The following LRAT variants were observed in gnomAD, a reference collection of about 807,000 sequenced individuals.
LRAT encodes lecithin retinol acyltransferase, also known as lecithin retinol acyltransferase (phosphatidylcholine--retinol O-acyltransferase).
A neutral mutation model predicts 14.2 loss-of-function variants in LRAT; 11 were observed. The ratio of observed to expected loss-of-function variants is 0.78; its 90% CI spans 0.49 to 1.29. LRAT has a LOEUF of 1.29. Ranked by LOEUF, LRAT falls within the 50% of genes most tolerant of loss-of-function variation. The pLI is 0.00. For missense variants in LRAT, 274 were observed against 292.4 expected, an observed-to-expected ratio of 0.94 and a Z score of 0.46; for synonymous variants, 144 against 124.8, an observed-to-expected ratio of 1.15 and a Z score of -1.03.
At chr4:154,747,241 G>A (rs561051182) in intron 2 of LRAT, among the ~76,000 whole-genome samples, 1 of 152,214 alleles carries the variant, frequency 6.6e-6, no homozygotes, top group Admixed American at 6.5e-5. Context: ...CTCCTTTGTG[G>A]TAACACTCTA....
At chr4:154,747,674 A>G (rs1414877742) in intron 2 of LRAT, among the ~76,000 whole-genome samples, 1 of 152,212 alleles carries the variant, frequency 6.6e-6, no homozygotes, top group Non-Finnish European at 1.5e-5. Flanking sequence ...AATAAGGATA[A>G]CTGTATTTAC....
intron 2 of LRAT, among the ~76,000 whole-genome samples, chr4:154,745,168 G>A (rs921850001): frequency 6.6e-6 from 1 of 151,588 alleles, no homozygotes; most frequent in Non-Finnish European, 1.5e-5. Flanking sequence ...ACAGGCACCC[G>A]CCACCACGCC....
chr4:154,745,640 T>C (rs1384174884), intron 2 of LRAT: 1 of 145,176 alleles, frequency 6.9e-6, no homozygotes, highest in Non-Finnish European at 1.5e-5. Context: ...AGAGTTTATA[T>C]TTAATCCATA....
rs559387230 is a variant in LRAT at position 154,749,670 on chromosome 4, G to A, written c.*534G>A. On this transcript the variant is annotated 3_prime_UTR_variant, in exon 3 of 3. Transcript: ENST00000336356. ...TTCATGTAGTATATAAGTCAAGAAT[G>A]TTTTATTGTCATTATGTGAAACCAA... is the stretch of plus-strand genomic sequence containing the variant. 2 of 153,232 alleles carry A rather than the reference G, an allele frequency of 1.3e-5. No homozygotes were observed. Among genetic ancestry groups the A allele is most frequent in the African/African-American group, 4.8e-5 (2 of 41,526 alleles). The allele number at this position is 153,232 out of a possible 1,614,324, so 9.5% of individuals were successfully genotyped here.
chr4:154,751,193 A>T lies in LRAT; in HGVS notation c.*2057A>T, dbSNP rs1732982408. On this transcript the variant is annotated 3_prime_UTR_variant, in exon 3 of 3. Coordinates refer to ENST00000336356, the MANE Select transcript of LRAT (RefSeq NM_004744.5). ...CAATTAAATCTGCTAGAAGGGTAAG[A>T]GAAATCTGTATGCAGGAGGCAATGC... 6.6e-6 allele frequency: 1 copy of T among 152,254 alleles called. No homozygotes were observed. The highest frequency in any genetic ancestry group is 1.5e-5 in the Non-Finnish European group (1 of 68,056). 9.4% of individuals were successfully genotyped at this position (152,254 alleles called of 1,614,324 possible).
At position 154,744,707 on chromosome 4, in the gene LRAT, G is replaced by A; in HGVS notation, c.381G>A (p.Leu127=). 1 of 1,614,196 alleles carries A rather than the reference G, an allele frequency of 6.2e-7. No homozygotes were observed. Among genetic ancestry groups the A allele is most frequent in the Non-Finnish European group, 8.5e-7 (1 of 1,180,046 alleles). ...GAGCTAACATCCTGGTCAATCACCT[G>A]GACGAGTCCCTCCAGAAAAAGGCAC... ...AYGANILVNH[L]DESLQKKALL... is the part of the protein sequence containing the mutation. The change falls in exon 2 of 3, where the codon CTG becomes CTA. Residue 127 remains leucine, a synonymous_variant. Transcript: ENST00000336356.
rs775854426 is a variant in LRAT, at chr4:154,744,664, T to C, written c.338T>C (p.Val113Ala). Reference sequence around the variant, plus strand: ...GTGGCCAGCATCCGCGTGGACACAGTGGAGGACTTCGCCTACGGAGCTAAC... The same window carrying C: ...GTGGCCAGCATCCGCGTGGACACAGCGGAGGACTTCGCCTACGGAGCTAAC... ...VKVASIRVDT[V>A]EDFAYGANIL... Residue 113 changes from valine to alanine, a missense_variant, in exon 2 of 3, where the codon GTG (valine) becomes GCG (alanine). Physicochemically the swap from Val to Ala is moderately conservative, Grantham distance 64. Transcript: ENST00000336356. 1.2e-6 allele frequency: 2 copies of C among 1,614,180 alleles called. No homozygotes were observed. Among genetic ancestry groups the C allele is most frequent in the South Asian group, 1.1e-5 (1 of 91,084 alleles).
At chr4:154,744,273 G>C in intron 1 of LRAT, 51 bp downstream of exon 1, 1 of 1,594,488 alleles carries the variant, frequency 6.3e-7, no homozygotes, top group Non-Finnish European at 8.6e-7. Context: ...TGCCCAGCCC[G>C]GCCCCTGCCG....
chr4:154,741,377 G>A (rs924923921), upstream of LRAT, among the ~76,000 whole-genome samples: 6 of 152,328 alleles, frequency 3.9e-5, no homozygotes, highest in Non-Finnish European at 8.8e-5. Context: ...TCCGGAAGCC[G>A]AAGTCCTAGC....
rs756460421 is a variant in LRAT, at chr4:154,749,095, C to A, written c.652C>A (p.Pro218Thr). Residue 218 changes from proline to threonine, a missense_variant, in exon 3 of 3, where the codon CCT (proline) becomes ACT (threonine). By Grantham distance (38) the Pro-to-Thr change is conservative. Coordinates refer to ENST00000336356, the MANE Select transcript of LRAT (RefSeq NM_004744.5). ...GGGCTTGGTATCATACACTACCCTTCCTGCAATTTTTATTCCATTCTTCCT... is the reference window on the plus strand; with the variant it reads ...GGGCTTGGTATCATACACTACCCTTACTGCAATTTTTATTCCATTCTTCCT... ...CTGLVSYTTL[P>T]AIFIPFFLWM... The A allele has an allele frequency of 2.5e-6, 4 of 1,613,850 alleles. No homozygotes were observed. The South Asian group carries it at 4.4e-5, about 18-fold the overall frequency.
At chr4:154,747,842 C>T (rs1732912320) in intron 2 of LRAT, among the ~76,000 whole-genome samples, 3 of 151,990 alleles carry the variant, frequency 2.0e-5, no homozygotes, top group Admixed American at 2.0e-4. Flanking sequence ...GAAAAATAGG[C>T]CAACATCTAG....
rs1387272831 is a variant in LRAT, at chr4:154,744,440, T to C, written c.114T>C (p.Ser38=). ...CGGGCGAAGACAAAGGGAGGAACAG[T>C]TTTTATGAAACCAGCTCTTTCCACC... ...GAAGEDKGRN[S]FYETSSFHRG... The change falls in exon 2 of 3, where the codon AGT becomes AGC. Residue 38 remains serine, a synonymous_variant. Transcript: ENST00000336356. 33 of 1,613,718 alleles carry C rather than the reference T, an allele frequency of 2.0e-5. No homozygotes were observed. The highest frequency in any genetic ancestry group is 2.5e-6 in the Non-Finnish European group (3 of 1,179,978).
upstream of LRAT, among the ~76,000 whole-genome samples, chr4:154,743,125 A>ACCCCCCCCCCCCCCCCCCCAC (rs59844353): frequency 5.6e-5 from 1 of 17,840 alleles, no homozygotes; most frequent in African/African-American, 2.2e-4. Flanking sequence ...GACCCCCCCA[A>ACCCCCCCCCCCCCCCCCCCAC]CCCCCCCCCC....
rs372762225 is a variant in LRAT at position 154,744,878 on chromosome 4, G to T, written c.540+12G>T. The T allele has an allele frequency of 2.5e-6, 4 of 1,611,696 alleles. No homozygotes were observed. The highest frequency in any genetic ancestry group is 3.4e-6 in the Non-Finnish European group (4 of 1,179,992). On this transcript the variant is annotated intron_variant, in intron 2 of 2. Coordinates refer to ENST00000336356, the MANE Select transcript of LRAT (RefSeq NM_004744.5). ...CCCAGTCCGACAAGGTATGATGTGT[G>T]ACTCCCAGGGGAAGTGGGCTCCGCG...
chr4:154,747,634 T>C (rs1357915627), intron 2 of LRAT, among the ~76,000 whole-genome samples: 2 of 152,168 alleles, frequency 1.3e-5, no homozygotes, highest in Non-Finnish European at 2.9e-5. Context: ...ATGATTCTGA[T>C]TGACTTAATT....
chr4:154,747,726 T>C (rs1473847607), intron 2 of LRAT, among the ~76,000 whole-genome samples: 1 of 152,176 alleles, frequency 6.6e-6, no homozygotes, highest in African/African-American at 2.4e-5. Flanking sequence ...TCAACCTCCT[T>C]TTCTCCTTGT....
rs1483829149 is a variant in LRAT at position 154,751,514 on chromosome 4, A to C, written c.*2378A>C. 6.6e-6 allele frequency: 1 copy of C among 152,152 alleles called. No homozygotes were observed. The highest frequency in any genetic ancestry group is 2.4e-5 in the African/African-American group (1 of 41,368). The allele number at this position is 152,152 out of a possible 1,614,324, so 9.4% of individuals were successfully genotyped here. A position where few individuals can be genotyped will look rare whatever the true frequency, so the allele number is the denominator to read the frequency against. ...CACTTTGGGAGGCCAAGGAGGGAGGATCACAAGGTCAGGAGATCGAGACCA... is the reference window on the plus strand; with the variant it reads ...CACTTTGGGAGGCCAAGGAGGGAGGCTCACAAGGTCAGGAGATCGAGACCA... On this transcript the variant is annotated 3_prime_UTR_variant, in exon 3 of 3. Transcript: ENST00000336356.
chr4:154,741,697 T>C (rs913049561), upstream of LRAT, among the ~76,000 whole-genome samples: 1 of 152,194 alleles, frequency 6.6e-6, no homozygotes, highest in Non-Finnish European at 1.5e-5. Context: ...GCAAATCAGC[T>C]TGGCACTGCT....
intron 2 of LRAT, chr4:154,748,429 G>T (rs201822): frequency 0.36 from 348,468 of 979,324 alleles, 64,041 homozygotes; most frequent in East Asian, 0.66. Context: ...AGCCAGTTAT[G>T]TGTCACATAA....
Sources: gnomAD v4.1 joint callset for allele counts (sites outside exome capture counted in the v4.1 genomes callset) on GRCh38, gnomAD v4.1.1 for gene constraint, MANE v1.5 for transcripts, NCBI Gene and HGNC (gene_info 2026-07-23, HGNC 2026-07-21) for gene names.